WIPI2: variants seen among roughly 807,000 people sequenced by gnomAD.
The protein encoded by WIPI2 is WD repeat domain, phosphoinositide interacting 2.
A neutral mutation model predicts 52.3 loss-of-function variants in WIPI2; 28 were observed. That is an observed-to-expected ratio of 0.54 (90% CI 0.40 to 0.73). The LOEUF (loss-of-function observed/expected upper bound fraction) is 0.73. Ranked by LOEUF, WIPI2 falls within the 30% of genes least tolerant of loss-of-function variation. The probability of loss-of-function intolerance (pLI) is 0.00; values close to 1 mark genes in which losing one functional copy is unlikely to be tolerated. For missense variants in WIPI2, 506 were observed against 602.9 expected (o/e 0.84, Z 1.68); for synonymous variants, 268 against 245.0 (o/e 1.09, Z -0.88).
intron 7 of WIPI2, among the ~76,000 whole-genome samples, chr7:5,220,954 C>T (rs1480125710): frequency 7.1e-6 from 1 of 140,698 alleles, no homozygotes; most frequent in African/African-American, 2.6e-5. Context: ...CCACCACACC[C>T]ACCTAATTTT....
intron 3 of WIPI2, among the ~76,000 whole-genome samples, chr7:5,213,627 GT>G (rs150481110): frequency 2.0e-4 from 30 of 152,294 alleles, no homozygotes; most frequent in Non-Finnish European, 3.8e-4. Flanking sequence ...CTAGATTTGT[GT>G]TTGCACGACA....
chr7:5,214,227 A>C, intron 3 of WIPI2: 5 of 1,296,308 alleles, frequency 3.9e-6, no homozygotes, highest in Non-Finnish European at 5.0e-6. Context: ...CTTTCACTTT[A>C]CCTAGGAGTT....
chr7:5,194,274 G>T (rs1026899962), intron 2 of WIPI2, among the ~76,000 whole-genome samples: 1 of 152,216 alleles, frequency 6.6e-6, no homozygotes, highest in African/African-American at 2.4e-5. Context: ...GGGCCTCCCA[G>T]GTCTGGGCTG....
At chr7:5,203,428 C>T (rs989578544) in intron 3 of WIPI2, among the ~76,000 whole-genome samples, 1 of 152,090 alleles carries the variant, frequency 6.6e-6, no homozygotes, top group Admixed American at 6.6e-5. Flanking sequence ...TTCATCGTTG[C>T]CAACTATAAA....
rs77371131 is a variant in WIPI2, at chr7:5,225,150, T to A, written c.741-673T>A. ...GTTTTGCTCTGTCTTTTTTTTTTTT[T>A]AAATAATTGAGACAGAGTCTCACTC... On this transcript the variant is annotated intron_variant, in intron 8 of 12. Transcript: ENST00000288828. Among the ~76,000 whole-genome samples, 7 of 151,890 alleles carry A rather than the reference T, an allele frequency of 4.6e-5. No homozygotes were observed. In the South Asian group the frequency reaches 6.3e-4, roughly 14 times the overall value.
At chr7:5,229,060 G>A (rs1292187164) in intron 11 of WIPI2, among the ~76,000 whole-genome samples, 1 of 152,108 alleles carries the variant, frequency 6.6e-6, no homozygotes, top group East Asian at 1.9e-4. Flanking sequence ...CTGTCACCCA[G>A]GCTGGAGTAC....
At chr7:5,216,519 C>G (rs1356151446) in intron 4 of WIPI2, 44 bp from the exon 5 acceptor site, 1 of 1,538,836 alleles carries the variant, frequency 6.5e-7, no homozygotes, top group Admixed American at 1.7e-5. Context: ...AGGTATTGCA[C>G]TGGCCGTTGC....
intron 1 of WIPI2, among the ~76,000 whole-genome samples, chr7:5,190,996 GT>G (rs923787524): frequency 6.6e-6 from 1 of 151,422 alleles, no homozygotes; most frequent in African/African-American, 2.4e-5. Flanking sequence ...GTTTCTCACT[GT>G]TTTTTTGTTT....
intron 3 of WIPI2, among the ~76,000 whole-genome samples, chr7:5,200,286 C>T (rs956413222): frequency 1.3e-5 from 2 of 152,154 alleles, no homozygotes; most frequent in African/African-American, 2.4e-5. Context: ...ATAGTATTTG[C>T]TGAGTAAAGC....
In WIPI2 at chr7:5,214,590, C is replaced by T. The variant is rs1782718579; in HGVS notation, c.267C>T (p.Ala89=). ...VERLFSSSLV[A]IVSLKAPRKL... is the part of the protein sequence containing the mutation. ...GATTGTTCTCCAGCAGCCTAGTGGCCATCGTCAGCCTTAAAGCACCAAGGA... is the reference window on the plus strand; with the variant it reads ...GATTGTTCTCCAGCAGCCTAGTGGCTATCGTCAGCCTTAAAGCACCAAGGA... The change falls in exon 4 of 13, where the codon GCC becomes GCT. Residue 89 remains alanine, a synonymous_variant. Transcript: ENST00000288828. The T allele has an allele frequency of 6.2e-7, 1 of 1,614,234 alleles. No homozygotes were observed. Among genetic ancestry groups the T allele is most frequent in the Non-Finnish European group, 8.5e-7 (1 of 1,180,048 alleles).
In WIPI2 at chr7:5,222,584, T is replaced by A; in HGVS notation, c.670-18T>A. The A allele has an allele frequency of 6.2e-7, 1 of 1,612,262 alleles. No homozygotes were observed. The highest frequency in any genetic ancestry group is 8.5e-7 in the Non-Finnish European group (1 of 1,178,540). ...TTTAACTCAGCTCAAATTCTTCTTT[T>A]CTCTTTTCCTTCCACAGGGGACCGT... On this transcript the variant is annotated intron_variant, in intron 7 of 12. Transcript: ENST00000288828.
rs151096869 is a variant in WIPI2, at chr7:5,219,262, C to G, written c.669+1248C>G. ...ACTGGGCAGCAACAGAGGGGTCAGA[C>G]TCCAAGTCTGACTTTGATTCTAATT... On this transcript the variant is annotated intron_variant, in intron 7 of 12. Coordinates refer to ENST00000288828, the MANE Select transcript of WIPI2 (RefSeq NM_015610.4). Among the ~76,000 whole-genome samples the G allele has an allele frequency of 2.5e-3, 378 of 152,346 alleles. 4 individuals carry two copies. Among genetic ancestry groups the G allele is most frequent in the African/African-American group, 8.3e-3 (347 of 41,584 alleles).
chr7:5,227,887 T>C lies in WIPI2; in HGVS notation c.1014-217T>C, dbSNP rs926910517. Among the ~76,000 whole-genome samples, 2 of 152,202 alleles carry C rather than the reference T, an allele frequency of 1.3e-5. No individual in the cohort carries two copies. Among genetic ancestry groups the C allele is most frequent in the African/African-American group, 4.8e-5 (2 of 41,454 alleles). Reference sequence around the variant, plus strand: ...AATCCCAGAAGCCACAAAACTGGTTTCATCCCGCTCTCGTCTCCCGTGGGC... The same window carrying C: ...AATCCCAGAAGCCACAAAACTGGTTCCATCCCGCTCTCGTCTCCCGTGGGC... On this transcript the variant is annotated intron_variant, in intron 10 of 12. Coordinates refer to ENST00000288828, the MANE Select transcript of WIPI2 (RefSeq NM_015610.4). The surrounding 1 kb of genome is among the most constrained non-coding windows in gnomAD (Gnocchi z 8.1).
At position 5,227,969 on chromosome 7, in the gene WIPI2, G is replaced by C; in HGVS notation, c.1014-135G>C. On this transcript the variant is annotated intron_variant, in intron 10 of 12. Coordinates refer to ENST00000288828, the MANE Select transcript of WIPI2 (RefSeq NM_015610.4). The surrounding 1 kb of genome is among the most constrained non-coding windows in gnomAD (Gnocchi z 8.1). ...CCGTGTGAGCCGAGGTCAGTGGGGC[G>C]CCAGACACCTGCAGCTGCCCTTGTG... 1 of 809,902 alleles carries C rather than the reference G, an allele frequency of 1.2e-6. No homozygotes were observed. The highest frequency in any genetic ancestry group is 1.7e-5 in the African/African-American group (1 of 58,846). 50.2% of individuals were successfully genotyped at this position (809,902 alleles called of 1,614,324 possible).
intron 3 of WIPI2, 127 bp from the exon 4 acceptor site, chr7:5,214,408 C>G: frequency 6.2e-7 from 1 of 1,608,822 alleles, no homozygotes; most frequent in East Asian, 2.2e-5. Context: ...ACCACATGTT[C>G]CGCAGGCACC....
At chr7:5,223,199 C>T (rs943088746) in intron 8 of WIPI2, among the ~76,000 whole-genome samples, 4 of 152,230 alleles carry the variant, frequency 2.6e-5, no homozygotes, top group African/African-American at 9.6e-5. Flanking sequence ...GCAGGACTGT[C>T]CCTCCCTCGT....
At chr7:5,202,500 C>T (rs1782076499) in intron 3 of WIPI2, among the ~76,000 whole-genome samples, 1 of 152,144 alleles carries the variant, frequency 6.6e-6, no homozygotes. Flanking sequence ...CCTCCCTCCT[C>T]AGCCTCCTGA....
intron 2 of WIPI2, among the ~76,000 whole-genome samples, chr7:5,194,951 G>A (rs1010602861): frequency 3.3e-5 from 5 of 152,144 alleles, no homozygotes; most frequent in African/African-American, 1.2e-4. Context: ...GCAGGCCAGG[G>A]CTCCAGAGGC....
intron 11 of WIPI2, among the ~76,000 whole-genome samples, chr7:5,228,498 G>T (rs575826238): frequency 6.6e-6 from 1 of 152,224 alleles, no homozygotes; most frequent in Non-Finnish European, 1.5e-5. Context: ...CTTAGGTGGG[G>T]GAGAGGTGCT....
Sources: allele counts gnomAD v4.1 joint callset (sites outside exome capture counted in the v4.1 genomes callset), GRCh38; gene constraint gnomAD v4.1.1; non-coding constraint Gnocchi (gnomAD v3.1); transcripts MANE v1.5; gene names NCBI Gene and HGNC (gene_info 2026-07-23, HGNC 2026-07-21).